The following PIK3C3 variants were observed in gnomAD, a reference collection of about 807,000 sequenced individuals.
The protein encoded by PIK3C3 is PI3-kinase type 3.
PIK3C3 carries 95 observed loss-of-function variants against 126.1 expected under a neutral mutation model. That is an observed-to-expected ratio of 0.75 (90% confidence interval 0.64 to 0.89). The LOEUF (loss-of-function observed/expected upper bound fraction) is 0.89, where lower values mean the gene tolerates loss of function less well. PIK3C3 is among the 40% of genes least tolerant of loss of function. The pLI is 0.00. For synonymous variants in PIK3C3, 374 were observed against 360.0 expected (o/e 1.04, Z -0.44); for missense variants, 829 against 1,063.2 (o/e 0.78, Z 3.06).
At position 41,988,581 on chromosome 18, in the gene PIK3C3, A is replaced by G. The variant is rs1981613732; in HGVS notation, c.618+683A>G. 2.0e-5 allele frequency among the ~76,000 whole-genome samples: 3 copies of G among 152,204 alleles called. No homozygotes were observed. In the South Asian group the frequency reaches 6.2e-4, roughly 31 times the overall value. The stretch of plus-strand genomic sequence containing the variant: ...CATCAATTTGTGATTTGTCTAATTT[A>G]TAATGACCATAAGGCACAACTTACT... On this transcript the variant is annotated intron_variant, in intron 5 of 24. Transcript: ENST00000262039.
rs1984177321 is a variant in PIK3C3, at chr18:42,038,814, A to G, written c.2002A>G (p.Thr668Ala). Residue 668 changes from threonine to alanine, a missense_variant, in exon 18 of 25, where the codon ACA (threonine) becomes GCA (alanine). Thr to Ala is a moderately conservative substitution (Grantham distance 58, BLOSUM62 0). Transcript: ENST00000262039. ...GAAAGAAAATCTGGACTTGAAATTG[A>G]CACCTTATAAGGTGTTAGCCACCAG... ...LRKENLDLKL[T>A]PYKVLATSTK... The G allele has an allele frequency of 3.1e-6, 5 of 1,607,246 alleles. No individual in the cohort carries two copies. The highest frequency in any genetic ancestry group is 4.3e-6 in the Non-Finnish European group (5 of 1,174,346).
At chr18:41,983,959 T>G (rs1165810273) in intron 4 of PIK3C3, among the ~76,000 whole-genome samples, 2 of 152,034 alleles carry the variant, frequency 1.3e-5, no homozygotes, top group African/African-American at 4.8e-5. Flanking sequence ...TGCCTTTTTT[T>G]TTTTTTTGTG....
At chr18:42,028,097 TG>T (rs1983655878) in intron 14 of PIK3C3, among the ~76,000 whole-genome samples, 1 of 152,236 alleles carries the variant, frequency 6.6e-6, no homozygotes, top group African/African-American at 2.4e-5. Context: ...TGGATACTTT[TG>T]TACTCAATAG....
In PIK3C3 at chr18:42,012,514, C is replaced by T. The variant is rs146834861; in HGVS notation, c.1171-928C>T. Among the ~76,000 whole-genome samples the T allele has an allele frequency of 3.5e-3, 539 of 152,172 alleles. 1 individual carries two copies. The highest frequency in any genetic ancestry group is 0.012 in the African/African-American group (494 of 41,538). On this transcript the variant is annotated intron_variant, in intron 10 of 24. Transcript: ENST00000262039. ...TGACAATTAGAATTGGAAGATAATA[C>T]GTACATTTAAAAATTTTTTGAGCTT... is the stretch of plus-strand genomic sequence containing the variant.
intron 15 of PIK3C3, among the ~76,000 whole-genome samples, chr18:42,032,761 T>C (rs1983889047): frequency 6.6e-6 from 1 of 152,064 alleles, no homozygotes; most frequent in Non-Finnish European, 1.5e-5. Context: ...TGACCATCCA[T>C]TTAGTTAAGG....
intron 10 of PIK3C3, among the ~76,000 whole-genome samples, chr18:42,013,018 A>G (rs1982900827): frequency 6.6e-6 from 1 of 152,104 alleles, no homozygotes; most frequent in Non-Finnish European, 1.5e-5. Context: ...CTTGTGTAAT[A>G]TTAAACATAG....
chr18:42,028,028 T>G (rs1983652505), intron 14 of PIK3C3, among the ~76,000 whole-genome samples: 1 of 152,214 alleles, frequency 6.6e-6, no homozygotes, highest in South Asian at 2.1e-4. Context: ...TGAATTCAAA[T>G]TTTAGTGTTC....
Position 42,064,731 on chromosome 18 carries a change from C to A in PIK3C3, c.2433-9C>A. 1 of 1,439,636 alleles carries A rather than the reference C, an allele frequency of 6.9e-7. No individual in the cohort carries two copies. Among genetic ancestry groups the A allele is most frequent in the South Asian group, 1.2e-5 (1 of 85,396 alleles). 89.2% of individuals were successfully genotyped at this position (1,439,636 alleles called of 1,614,324 possible). On this transcript the variant is annotated splice_polypyrimidine_tract_variant and intron_variant, in intron 22 of 24. Coordinates refer to ENST00000262039, the MANE Select transcript of PIK3C3 (RefSeq NM_002647.4). ...CGTTGCTATTTTTTTCTTTTCTGCTCTTCTTTAGGTATTCTAATCTGATTT... is the reference window on the plus strand; with the variant it reads ...CGTTGCTATTTTTTTCTTTTCTGCTATTCTTTAGGTATTCTAATCTGATTT...
chr18:42,044,819 A>G (rs1984490565), intron 20 of PIK3C3, among the ~76,000 whole-genome samples: 1 of 152,210 alleles, frequency 6.6e-6, no homozygotes, highest in South Asian at 2.1e-4. Flanking sequence ...GACAGGATGT[A>G]TGATGTGTTA....
intron 21 of PIK3C3, chr18:42,050,248 G>C (rs1452315898): frequency 6.6e-6 from 1 of 152,152 alleles, no homozygotes; most frequent in South Asian, 2.1e-4. Flanking sequence ...CTTACAAAGT[G>C]TGCTTAATTC....
At chr18:42,001,601 G>A (rs1161062580) in intron 9 of PIK3C3, among the ~76,000 whole-genome samples, 2 of 151,902 alleles carry the variant, frequency 1.3e-5, no homozygotes, top group Non-Finnish European at 2.9e-5. Flanking sequence ...CATTCTGTTG[G>A]CTCCTTGTTT....
intron 21 of PIK3C3, chr18:42,052,941 C>T (rs1035245361): frequency 1.3e-5 from 2 of 152,078 alleles, no homozygotes; most frequent in African/African-American, 4.8e-5. Context: ...CTGCAAAATA[C>T]AATACCTTTG....
At chr18:41,964,551 T>A (rs1332286337) in intron 3 of PIK3C3, among the ~76,000 whole-genome samples, 2 of 152,136 alleles carry the variant, frequency 1.3e-5, no homozygotes, top group Non-Finnish European at 2.9e-5. Flanking sequence ...ATAAATATTA[T>A]AATGACCTTA....
At position 42,083,267 on chromosome 18, in the gene PIK3C3, T is replaced by C. The variant is rs1042856627; in HGVS notation, c.*2130T>C. 2 of 152,234 alleles carry C rather than the reference T, an allele frequency of 1.3e-5. No individual in the cohort carries two copies. The highest frequency in any genetic ancestry group is 6.5e-5 in the Admixed American group (1 of 15,278). 9.4% of individuals were successfully genotyped at this position (152,234 alleles called of 1,614,324 possible). On this transcript the variant is annotated 3_prime_UTR_variant, in exon 25 of 25. Transcript: ENST00000262039. The stretch of plus-strand genomic sequence containing the variant: ...AGAGTGTAGTCTGCATATTTCTTTA[T>C]TATCATTGCCATGTGACTTCTTTGG...
chr18:42,020,128 G>A (rs1983255871), intron 12 of PIK3C3, among the ~76,000 whole-genome samples: 1 of 152,058 alleles, frequency 6.6e-6, no homozygotes, highest in Admixed American at 6.6e-5. Context: ...AAGATCCTTT[G>A]TTGGGTATCC....
intron 6 of PIK3C3, among the ~76,000 whole-genome samples, chr18:41,992,541 A>G (rs930079521): frequency 1.3e-5 from 2 of 152,160 alleles, no homozygotes; most frequent in Admixed American, 6.6e-5. Context: ...TTTTGACCTT[A>G]ATTAGTTTAG....
chr18:41,982,476 A>G (rs995414940), intron 4 of PIK3C3, among the ~76,000 whole-genome samples: 1 of 152,130 alleles, frequency 6.6e-6, no homozygotes, highest in Non-Finnish European at 1.5e-5. Context: ...TTATTCTTTG[A>G]GCTTTTATTA....
At position 41,959,445 on chromosome 18, in the gene PIK3C3, C is replaced by T. The variant is rs150657888; in HGVS notation, c.257+1687C>T. On this transcript the variant is annotated intron_variant, in intron 2 of 24. Coordinates refer to ENST00000262039, the MANE Select transcript of PIK3C3 (RefSeq NM_002647.4). The stretch of plus-strand genomic sequence containing the variant: ...TAAATTGTGAAAGTACTGGAAAGTA[C>T]GCTAAAATTATTTAAAACGACTTTG... Among the ~76,000 whole-genome samples, 196 of 151,756 alleles carry T rather than the reference C, an allele frequency of 1.3e-3. 2 individuals are homozygous for T. Among genetic ancestry groups the T allele is most frequent in the East Asian group, 0.013 (66 of 5,186 alleles).
At chr18:42,035,285 T>C (rs1456506126) in intron 16 of PIK3C3, among the ~76,000 whole-genome samples, 6 of 152,146 alleles carry the variant, frequency 3.9e-5, no homozygotes, top group Non-Finnish European at 7.4e-5. Flanking sequence ...GACCAGCTTC[T>C]AATATTCTTG....
Sources: allele counts gnomAD v4.1 joint callset (sites outside exome capture counted in the v4.1 genomes callset), GRCh38; gene constraint gnomAD v4.1.1; transcripts MANE v1.5; gene names NCBI Gene and HGNC (gene_info 2026-07-23, HGNC 2026-07-21).